Variants in AR observed in about 807,000 individuals in gnomAD.
AR encodes dihydrotestosterone receptor.
A neutral mutation model predicts 53.9 loss-of-function variants in AR; 8 were observed. The ratio of observed to expected loss-of-function variants is 0.15; its 90% CI spans 0.09 to 0.27. The LOEUF (loss-of-function observed/expected upper bound fraction) is 0.27. Ranked by LOEUF, AR falls within the 10% of genes least tolerant of loss-of-function variation. AR has a pLI of 1.00. For synonymous variants in AR, 359 were observed against 316.4 expected (o/e 1.13, Z -1.43); for missense variants, 639 against 742.5 (o/e 0.86, Z 1.62).
intron 1 of AR, among the ~76,000 whole-genome samples, chrX:67,553,802 A>G: frequency 8.9e-6 from 1 of 112,348 alleles, no homozygotes; most frequent in Non-Finnish European, 1.9e-5. Context: ...ATTTTTTGAT[A>G]CTATAAATTG....
chrX:67,666,122 G>A (rs867042792), intron 2 of AR, among the ~76,000 whole-genome samples: 1 of 110,477 alleles, frequency 9.1e-6, no homozygotes, highest in Non-Finnish European at 1.9e-5. Context: ...ATTGTTGACT[G>A]CAGTCACCCT....
rs1301298518 is a variant in AR, at chrX:67,545,724, T to C, written c.578T>C (p.Leu193Pro). Residue 193 changes from leucine to proline, a missense_variant, in exon 1 of 8, where the codon CTC becomes CCC. Around this residue, in one of 5 missense-constraint regions of AR, gnomAD observed 423 missense variants for 377.0 expected, o/e 1.12. Transcript: ENST00000374690. ...CTGAGCGAGGCCAGCACCATGCAAC[T>C]CCTTCAGCAACAGCAGCAGGAAGCA... The part of the protein sequence containing the change: ...DILSEASTMQ[L>P]LQQQQQEAVS... The C allele has an allele frequency of 2.5e-6, 3 of 1,209,976 alleles. No individual in the cohort carries two copies. Among genetic ancestry groups the C allele is most frequent in the Non-Finnish European group, 3.4e-6 (3 of 894,807 alleles).
At chrX:67,657,863 C>CT (rs1447591356) in intron 2 of AR, among the ~76,000 whole-genome samples, 3 of 111,641 alleles carry the variant, frequency 2.7e-5, no homozygotes, top group African/African-American at 6.5e-5. Flanking sequence ...TATTCATGTC[C>CT]TTTTTTTCTT....
At chrX:67,557,628 G>A (rs1405711209) in intron 1 of AR, among the ~76,000 whole-genome samples, 1 of 111,599 alleles carries the variant, frequency 9.0e-6, no homozygotes, top group Non-Finnish European at 1.9e-5. Flanking sequence ...GAAGGGTAGG[G>A]ACTTATCCAA....
intron 1 of AR, among the ~76,000 whole-genome samples, chrX:67,620,146 T>C: frequency 9.0e-6 from 1 of 111,224 alleles, no homozygotes; most frequent in Non-Finnish European, 1.9e-5. Context: ...CTTCCTTCTT[T>C]TGGGTTTCTG....
intron 2 of AR, among the ~76,000 whole-genome samples, chrX:67,646,541 G>T (rs1032083987): frequency 4.5e-5 from 5 of 110,131 alleles, no homozygotes; most frequent in Non-Finnish European, 9.5e-5. Context: ...GAGGGAAATA[G>T]TTGGTTTATG....
intron 1 of AR, among the ~76,000 whole-genome samples, chrX:67,571,239 T>A (rs925043641): frequency 1.8e-5 from 2 of 112,365 alleles, no homozygotes; most frequent in African/African-American, 6.5e-5. Flanking sequence ...TCATTTATTA[T>A]ACTTGTTTCT....
intron 1 of AR, among the ~76,000 whole-genome samples, chrX:67,627,174 T>C (rs1309599895): frequency 9.0e-6 from 1 of 111,407 alleles, no homozygotes; most frequent in African/African-American, 3.3e-5. Flanking sequence ...TCAAATGGTA[T>C]TTCTAGTTCT....
chrX:67,600,508 G>A (rs1239015543), intron 1 of AR, among the ~76,000 whole-genome samples: 1 of 110,802 alleles, frequency 9.0e-6, no homozygotes, highest in Non-Finnish European at 1.9e-5. Context: ...TTGAACTAAT[G>A]GATATAGAAA....
chrX:67,664,411 G>T (rs1051970585), intron 2 of AR, among the ~76,000 whole-genome samples: 7 of 112,066 alleles, frequency 6.2e-5, no homozygotes, highest in Non-Finnish European at 1.3e-4. Flanking sequence ...GTTATCAGCA[G>T]CAGAGGCTGC....
rs370971743 is a variant in AR at position 67,545,197 on chromosome X, G to T, written c.51G>T (p.Lys17Asn). 14 of 1,204,790 alleles carry T rather than the reference G, an allele frequency of 1.2e-5. No individual in the cohort carries two copies. The African/African-American group carries it at 2.5e-4, about 21-fold the overall frequency. Residue 17 changes from lysine (K) to asparagine (N), a missense_variant, in exon 1 of 8, where the codon AAG becomes AAT. Physicochemically the swap from Lys to Asn is moderately conservative, Grantham distance 94. Coordinates refer to ENST00000374690, the MANE Select transcript of AR (RefSeq NM_000044.6). ...GGGTCTACCCTCGGCCGCCGTCCAA[G>T]ACCTACCGAGGAGCTTTCCAGAATC... ...LGRVYPRPPS[K>N]TYRGAFQNLF...
intron 2 of AR, among the ~76,000 whole-genome samples, chrX:67,649,951 C>G (rs1021522810): frequency 9.0e-6 from 1 of 111,696 alleles, no homozygotes; most frequent in African/African-American, 3.3e-5. Context: ...AGACTTTGCC[C>G]ATTCACAATT....
chrX:67,700,933 G>C (rs1219077923), intron 3 of AR, among the ~76,000 whole-genome samples: 6 of 111,612 alleles, frequency 5.4e-5, no homozygotes, highest in Non-Finnish European at 1.1e-4. Context: ...AAAGTCCATG[G>C]ATTCATTTGT....
chrX:67,670,742 C>T (rs981505819), intron 2 of AR, among the ~76,000 whole-genome samples: 3 of 110,660 alleles, frequency 2.7e-5, no homozygotes, highest in Non-Finnish European at 5.7e-5. Flanking sequence ...TGCTATCTTT[C>T]CCCTAGCCCT....
rs1290503176 is a variant in AR at position 67,673,980 on chromosome X, G to T, written c.1769-12030G>T. On this transcript the variant is annotated intron_variant, in intron 2 of 7. Transcript: ENST00000374690. ...AAGGGATTTGGATGCTGTGATCTTAGTCTTTGGTCACTGCAGCCATATCTG... is the reference window on the plus strand; with the variant it reads ...AAGGGATTTGGATGCTGTGATCTTATTCTTTGGTCACTGCAGCCATATCTG... Among the ~76,000 whole-genome samples the T allele has an allele frequency of 2.7e-5, 3 of 110,991 alleles. No homozygotes were observed. The Admixed American group carries it at 2.9e-4, about 11-fold the overall frequency.
intron 1 of AR, among the ~76,000 whole-genome samples, chrX:67,585,716 G>A (rs1031079735): frequency 1.8e-5 from 2 of 112,004 alleles, no homozygotes; most frequent in Non-Finnish European, 1.9e-5. Flanking sequence ...TGGTCACAAC[G>A]TTTGGAGATA....
intron 1 of AR, among the ~76,000 whole-genome samples, chrX:67,564,197 T>C (rs920554503): frequency 1.8e-5 from 2 of 111,515 alleles, no homozygotes; most frequent in Non-Finnish European, 3.8e-5. Flanking sequence ...AGCTCTTTGC[T>C]TGGGTATATT....
intron 2 of AR, among the ~76,000 whole-genome samples, chrX:67,659,766 A>G (rs1926784628): frequency 9.0e-6 from 1 of 111,454 alleles, no homozygotes; most frequent in African/African-American, 3.3e-5. Context: ...TGGTATTTCT[A>G]GTTCTAGATC....
intron 2 of AR, among the ~76,000 whole-genome samples, chrX:67,646,375 T>C (rs1354238778): frequency 9.1e-6 from 1 of 109,647 alleles, no homozygotes; most frequent in African/African-American, 3.3e-5. Flanking sequence ...GAAAAAAGGG[T>C]GCGGTGAGAA....
Sources: gnomAD v4.1 joint callset for allele counts (sites outside exome capture counted in the v4.1 genomes callset) on GRCh38, gnomAD v4.1.1 for gene constraint, gnomAD v4.1.1 regional missense constraint, MANE v1.5 for transcripts, NCBI Gene and HGNC (gene_info 2026-07-23, HGNC 2026-07-21) for gene names.